Variants in BCKDHB observed in about 807,000 individuals in gnomAD.
BCKDHB encodes branched chain keto acid dehydrogenase E1 subunit beta.
Under a neutral mutation model 48.5 loss-of-function variants are expected in BCKDHB, and 41 were observed. The ratio of observed to expected loss-of-function variants is 0.85; its 90% CI spans 0.66 to 1.10. The LOEUF (loss-of-function observed/expected upper bound fraction) is 1.10. BCKDHB is among the 50% of genes least tolerant of loss of function. The probability of loss-of-function intolerance (pLI) is 0.00; values close to 1 mark genes in which losing one functional copy is unlikely to be tolerated. For synonymous variants in BCKDHB, 201 were observed against 174.8 expected (o/e 1.15, Z -1.18); for missense variants, 496 against 494.2 (o/e 1.00, Z -0.03).
chr6:80,456,882 C>G, the BCKDHB span, among the ~76,000 whole-genome samples: 1 of 152,210 alleles, frequency 6.6e-6, no homozygotes, highest in Non-Finnish European at 1.5e-5. Flanking sequence ...AGTACATCTT[C>G]CGTCTTGATC....
chr6:80,426,955 AT>A, the BCKDHB span, among the ~76,000 whole-genome samples: 1 of 152,056 alleles, frequency 6.6e-6, no homozygotes, highest in Admixed American at 6.6e-5. Flanking sequence ...GGATTTTTAT[AT>A]TTCTTTTCTC....
At chr6:80,194,143 T>C (rs77995651) in intron 6 of BCKDHB, among the ~76,000 whole-genome samples, 3 of 152,332 alleles carry the variant, frequency 2.0e-5, no homozygotes, top group Non-Finnish European at 4.4e-5. Flanking sequence ...TTTGGTATAC[T>C]TTCTGTTATA....
At chr6:80,289,281 T>C (rs1041296875) in intron 9 of BCKDHB, among the ~76,000 whole-genome samples, 4 of 151,474 alleles carry the variant, frequency 2.6e-5, no homozygotes, top group African/African-American at 9.7e-5. Flanking sequence ...CATGAGTACT[T>C]TACGGGTTAT....
At chr6:80,260,395 TCTCTTGAAA>T (rs1243815627) in intron 8 of BCKDHB, among the ~76,000 whole-genome samples, 3 of 152,120 alleles carry the variant, frequency 2.0e-5, no homozygotes, top group Non-Finnish European at 4.4e-5. Flanking sequence ...AATTATTGGG[TCTCTTGAAA>T]CTGGAAACAG....
chr6:80,199,962 A>G (rs1350289028), intron 6 of BCKDHB, among the ~76,000 whole-genome samples: 1 of 146,836 alleles, frequency 6.8e-6, no homozygotes, highest in African/African-American at 2.5e-5. Context: ...AATCCCAGCT[A>G]CTTGGGAGGC....
At chr6:80,169,676 G>T in intron 5 of BCKDHB, 1 of 673,078 alleles carries the variant, frequency 1.5e-6, no homozygotes, top group Non-Finnish European at 2.2e-6. Flanking sequence ...TACTGAATAA[G>T]CTTTTCAGGG....
chr6:80,314,190 G>C (rs372217773), intron 9 of BCKDHB, among the ~76,000 whole-genome samples: 2 of 152,166 alleles, frequency 1.3e-5, no homozygotes, highest in Non-Finnish European at 2.9e-5. Context: ...ATCCATTTTA[G>C]AGTATATGCT....
At chr6:80,388,589 A>G in the BCKDHB span, among the ~76,000 whole-genome samples, 9 of 152,180 alleles carry the variant, frequency 5.9e-5, no homozygotes, top group South Asian at 2.1e-4. Flanking sequence ...AGTAGTATAT[A>G]CGTGGCTGGG....
At chr6:80,369,502 T>C in the BCKDHB span, among the ~76,000 whole-genome samples, 1 of 152,216 alleles carries the variant, frequency 6.6e-6, no homozygotes, top group Non-Finnish European at 1.5e-5. Flanking sequence ...GTTTGGTTTA[T>C]ATTTAAGTGA....
the BCKDHB span, among the ~76,000 whole-genome samples, chr6:80,387,352 G>T: frequency 7.2e-6 from 1 of 139,436 alleles, no homozygotes; most frequent in Non-Finnish European, 1.6e-5. Context: ...AGCCATTAGA[G>T]TTGCCTCTAC....
At chr6:80,443,769 A>G in the BCKDHB span, among the ~76,000 whole-genome samples, 58,384 of 151,916 alleles carry the variant, frequency 0.38, 14,022 homozygotes, top group Non-Finnish European at 0.54. Flanking sequence ...GCATACTCCC[A>G]AAATGCTGGG....
chr6:80,410,346 G>T, the BCKDHB span, among the ~76,000 whole-genome samples: 1 of 152,142 alleles, frequency 6.6e-6, no homozygotes, highest in African/African-American at 2.4e-5. Flanking sequence ...CCCTTTGTGG[G>T]TAACCCGACC....
chr6:80,374,167 G>A, the BCKDHB span: 10 of 717,526 alleles, frequency 1.4e-5, no homozygotes, highest in Non-Finnish European at 2.3e-5. Context: ...GGGTTAATCC[G>A]ACTATGAGCT....
chr6:80,428,488 A>G, the BCKDHB span, among the ~76,000 whole-genome samples: 1 of 152,116 alleles, frequency 6.6e-6, no homozygotes, highest in Non-Finnish European at 1.5e-5. Context: ...ACTCCCACCA[A>G]CAGTGTGAAA....
chr6:80,412,134 G>GTCACAGT, the BCKDHB span, among the ~76,000 whole-genome samples: 1 of 146,294 alleles, frequency 6.8e-6, no homozygotes, highest in Non-Finnish European at 1.5e-5. Flanking sequence ...TATACTATTG[G>GTCACAGT]TCACAGTTTA....
At chr6:80,339,396 C>G (rs1412980881) in intron 9 of BCKDHB, among the ~76,000 whole-genome samples, 1 of 152,146 alleles carries the variant, frequency 6.6e-6, no homozygotes, top group Admixed American at 6.5e-5. Flanking sequence ...CAAGATACTT[C>G]ATTTTCCAAA....
chr6:80,307,521 A>G, intron 9 of BCKDHB: 1 of 984,920 alleles, frequency 1.0e-6, no homozygotes, highest in Non-Finnish European at 1.2e-6. Context: ...TTAAATTTTC[A>G]GTAAATTAAA....
chr6:80,210,135 C>CAA (rs61476553), intron 8 of BCKDHB, among the ~76,000 whole-genome samples: 57 of 112,960 alleles, frequency 5.0e-4, no homozygotes, highest in South Asian at 8.2e-4. Flanking sequence ...AAGAAATATA[C>CAA]AAAAAAAAAA....
chr6:80,267,710 A>G (rs1777571567), intron 8 of BCKDHB, among the ~76,000 whole-genome samples: 1 of 152,180 alleles, frequency 6.6e-6, no homozygotes, highest in South Asian at 2.1e-4. Flanking sequence ...TTAATTTTGC[A>G]AAAGCAGTTT....
Sources: allele counts gnomAD v4.1 joint callset (sites outside exome capture counted in the v4.1 genomes callset), GRCh38; gene constraint gnomAD v4.1.1; transcripts MANE v1.5; gene names NCBI Gene and HGNC (gene_info 2026-07-23, HGNC 2026-07-21).